Variants in THADA observed in about 807,000 individuals in gnomAD.
THADA encodes tRNA (32-2'-O)-methyltransferase regulator THADA.
THADA carries 213 observed loss-of-function variants against 219.8 expected under a neutral mutation model. The ratio of observed to expected loss-of-function variants is 0.97; its 90% confidence interval spans 0.87 to 1.09. THADA has a LOEUF of 1.09. Ranked by LOEUF, THADA falls within the 50% of genes least tolerant of loss-of-function variation. The probability of loss-of-function intolerance (pLI) is 0.00; values close to 1 mark genes in which losing one functional copy is unlikely to be tolerated. For synonymous variants in THADA, 1,018 were observed against 828.9 expected (o/e 1.23, Z -3.92); for missense variants, 2,956 against 2,311.3 (o/e 1.28, Z -5.72).
At chr2:43,447,479 T>C (rs906177079) in intron 26 of THADA, among the ~76,000 whole-genome samples, 2 of 152,162 alleles carry the variant, frequency 1.3e-5, no homozygotes, top group African/African-American at 4.8e-5. Flanking sequence ...AAGATCCCCT[T>C]TCCCTTACAA....
At chr2:43,345,893 A>T (rs558590239) in intron 29 of THADA, among the ~76,000 whole-genome samples, 1 of 152,322 alleles carries the variant, frequency 6.6e-6, no homozygotes, top group Non-Finnish European at 1.5e-5. Flanking sequence ...GGATGTTTAA[A>T]CTTAGTCCTA....
intron 7 of THADA, among the ~76,000 whole-genome samples, chr2:43,584,984 C>G (rs1700855104): frequency 6.6e-6 from 1 of 152,160 alleles, no homozygotes; most frequent in South Asian, 2.1e-4. Context: ...GAGACCTCAG[C>G]CTTCTTCCCT....
At chr2:43,309,266 T>C (rs2104431323) in intron 31 of THADA, among the ~76,000 whole-genome samples, 1 of 152,246 alleles carries the variant, frequency 6.6e-6, no homozygotes, top group East Asian at 1.9e-4. Context: ...GAATGCAAAG[T>C]GGTAAACATT....
intron 9 of THADA, 103 bp downstream of exon 9, chr2:43,578,410 G>A: frequency 2.6e-6 from 2 of 763,508 alleles, no homozygotes; most frequent in African/African-American, 1.8e-5. Flanking sequence ...GCCTCCCAAA[G>A]TGTTGGGATT....
intron 29 of THADA, among the ~76,000 whole-genome samples, chr2:43,391,470 G>A (rs71420047): frequency 0.013 from 1,961 of 152,146 alleles, 20 homozygotes; most frequent in Non-Finnish European, 0.022. Flanking sequence ...AAAAGCTTTT[G>A]GATGTTTATA....
rs778595150 is a variant in THADA, at chr2:43,231,143, A to G, written c.5667T>C (p.Leu1889=). The G allele has an allele frequency of 3.1e-6, 5 of 1,613,890 alleles. No homozygotes were observed. The highest frequency in any genetic ancestry group is 4.2e-6 in the Non-Finnish European group (5 of 1,179,832). The change falls in exon 38 of 38, where the codon CTT becomes CTC. Residue 1889 remains leucine, a synonymous_variant. Coordinates refer to ENST00000405975, the MANE Select transcript of THADA (RefSeq NM_022065.5). ...CHLLSQFFRE[L]PPAAEFVKTV... ...TCTTCACAAACTCAGCAGCTGGTGG[A>G]AGCTCTCTGAAGAACTGAGACAGGA...
chr2:43,244,667 T>G (rs545920501), intron 36 of THADA, among the ~76,000 whole-genome samples: 22 of 152,374 alleles, frequency 1.4e-4, no homozygotes, highest in African/African-American at 4.8e-4. Context: ...TTTGGCATTC[T>G]TGCATTTGGT....
intron 36 of THADA, among the ~76,000 whole-genome samples, chr2:43,241,691 A>G (rs1668635972): frequency 6.6e-6 from 1 of 151,984 alleles, no homozygotes; most frequent in Non-Finnish European, 1.5e-5. Context: ...GCATTAGAAG[A>G]CGGCAGCAGC....
At chr2:43,594,101 A>G (rs1701887488) in intron 1 of THADA, among the ~76,000 whole-genome samples, 2 of 152,206 alleles carry the variant, frequency 1.3e-5, no homozygotes, top group South Asian at 2.1e-4. Context: ...AGATGACTGA[A>G]TATTTTCTCT....
At chr2:43,536,644 C>T (rs1694638183) in intron 21 of THADA, among the ~76,000 whole-genome samples, 2 of 151,898 alleles carry the variant, frequency 1.3e-5, no homozygotes, top group African/African-American at 2.4e-5. Flanking sequence ...TGCCATGTTT[C>T]CAGGCAGGTA....
intron 36 of THADA, among the ~76,000 whole-genome samples, chr2:43,267,983 T>C (rs953079199): frequency 6.6e-6 from 1 of 152,172 alleles, no homozygotes; most frequent in Admixed American, 6.5e-5. Flanking sequence ...ACTTCAGTAC[T>C]TCAGCTGGAG....
At chr2:43,240,839 T>C (rs887215643) in intron 36 of THADA, among the ~76,000 whole-genome samples, 1 of 152,168 alleles carries the variant, frequency 6.6e-6, no homozygotes, top group African/African-American at 2.4e-5. Context: ...TCTGAAAATT[T>C]AAAAAATTTC....
intron 8 of THADA, among the ~76,000 whole-genome samples, chr2:43,581,258 A>G (rs1700406098): frequency 6.6e-6 from 1 of 152,124 alleles, no homozygotes; most frequent in Non-Finnish European, 1.5e-5. Flanking sequence ...GGCTGGGCAC[A>G]GTGGCTCACA....
chr2:43,572,529 G>A (rs550533441), intron 12 of THADA, among the ~76,000 whole-genome samples: 2 of 152,232 alleles, frequency 1.3e-5, no homozygotes, highest in African/African-American at 2.4e-5. Context: ...CCTTCCAAGC[G>A]AGTCCTTATG....
rs1022455478 is a variant in THADA at position 43,320,544 on chromosome 2, G to A, written c.4344-4C>T. 6.2e-7 allele frequency: 1 copy of A among 1,603,922 alleles called. No homozygotes were observed. The highest frequency in any genetic ancestry group is 1.3e-5 in the African/African-American group (1 of 74,740). ...GGTCACCAAACATGGATTTTGCCTA[G>A]AAAGGTAAAGAACAGAATATAAATT... On this transcript the variant is annotated splice_polypyrimidine_tract_variant and splice_region_variant and intron_variant, in intron 30 of 37. Coordinates refer to ENST00000405975, the MANE Select transcript of THADA (RefSeq NM_022065.5).
chr2:43,528,393 G>C (rs959044829), intron 21 of THADA, among the ~76,000 whole-genome samples: 7 of 152,066 alleles, frequency 4.6e-5, no homozygotes, highest in African/African-American at 1.7e-4. Context: ...GTCTCCCAAA[G>C]TGCTGGGATT....
intron 3 of THADA, among the ~76,000 whole-genome samples, 182 bp downstream of exon 3, chr2:43,591,770 G>T (rs2104193300): frequency 6.6e-6 from 1 of 151,978 alleles, no homozygotes; most frequent in South Asian, 2.1e-4. Flanking sequence ...TCTGAATATG[G>T]CTTCTATTGC....
intron 36 of THADA, among the ~76,000 whole-genome samples, chr2:43,259,510 C>T (rs1427642598): frequency 1.3e-5 from 2 of 152,232 alleles, no homozygotes; most frequent in Non-Finnish European, 2.9e-5. Flanking sequence ...GGCAGTAATT[C>T]ATAATATGGA....
At chr2:43,318,212 T>TTTA (rs1324267159) in intron 31 of THADA, among the ~76,000 whole-genome samples, 4 of 142,642 alleles carry the variant, frequency 2.8e-5, no homozygotes, top group Admixed American at 7.0e-5. Flanking sequence ...GCTAATTAAA[T>TTTA]TTTTTTTTTT....
Sources: allele counts gnomAD v4.1 joint callset (sites outside exome capture counted in the v4.1 genomes callset), GRCh38; gene constraint gnomAD v4.1.1; transcripts MANE v1.5; gene names NCBI Gene and HGNC (gene_info 2026-07-23, HGNC 2026-07-21).